The following SCARB1 variants were observed in gnomAD, a reference collection of about 807,000 sequenced individuals.
SCARB1 encodes scavenger receptor class B member 1.
A neutral mutation model predicts 57.2 loss-of-function variants in SCARB1; 30 were observed. That is an observed-to-expected ratio of 0.52 (90% CI 0.39 to 0.71). SCARB1 has a LOEUF of 0.71. Among genes scored for constraint, SCARB1 ranks in the 30% least tolerant of loss-of-function variants. The probability of loss-of-function intolerance (pLI) is 0.00; values close to 1 mark genes in which losing one functional copy is unlikely to be tolerated. For missense variants in SCARB1, 543 were observed against 671.2 expected (o/e 0.81, Z 2.11); for synonymous variants, 249 against 268.3 (o/e 0.93, Z 0.70).
chr12:124,859,479 C>T (rs1252073286), intron 1 of SCARB1, among the ~76,000 whole-genome samples: 3 of 151,950 alleles, frequency 2.0e-5, no homozygotes, highest in Admixed American at 6.6e-5. Flanking sequence ...TGCAGTGAGC[C>T]GAGATCGTGC....
intron 1 of SCARB1, among the ~76,000 whole-genome samples, chr12:124,849,714 C>T (rs1348578826): frequency 2.6e-5 from 4 of 152,214 alleles, no homozygotes; most frequent in Non-Finnish European, 5.9e-5. Flanking sequence ...AACTGAGCTT[C>T]GGAACCCAAG....
chr12:124,795,421 T>TGG (rs3215351), intron 8 of SCARB1, among the ~76,000 whole-genome samples, 153 bp from the exon 9 acceptor site: 6 of 151,638 alleles, frequency 4.0e-5, no homozygotes, highest in Admixed American at 6.6e-5. Flanking sequence ...AGCCACAGGC[T>TGG]GGGGGGGGTC....
At chr12:124,825,224 CAAAAAAA>C (rs60776063) in intron 1 of SCARB1, among the ~76,000 whole-genome samples, 1 of 43,688 alleles carries the variant, frequency 2.3e-5, no homozygotes, top group Non-Finnish European at 4.1e-5. Flanking sequence ...GACTCCATCT[CAAAAAAA>C]AAAAAAAAAA....
intron 1 of SCARB1, among the ~76,000 whole-genome samples, chr12:124,861,308 A>C (rs1165480618): frequency 6.6e-6 from 1 of 152,122 alleles, no homozygotes; most frequent in Admixed American, 6.5e-5. Context: ...ATGCTATGTC[A>C]ATAGTTGTTA....
At chr12:124,852,184 A>G (rs1001614505) in intron 1 of SCARB1, among the ~76,000 whole-genome samples, 2 of 151,710 alleles carry the variant, frequency 1.3e-5, no homozygotes, top group Admixed American at 1.3e-4. Flanking sequence ...ATCTTTATAC[A>G]CCCGCATCCC....
rs538586114 is a variant in SCARB1, at chr12:124,825,708, A to G, written c.127-8001T>C. 1.3e-3 allele frequency among the ~76,000 whole-genome samples: 198 copies of G among 152,268 alleles called. 3 individuals carry two copies. Among genetic ancestry groups the G allele is most frequent in the East Asian group, 9.6e-4 (5 of 5,182 alleles). ...AGAGCCCAGCCAGGTTCTCAGTCAA[A>G]GATAAGCTGGGCTTCTGCACACGGT... On this transcript the variant is annotated intron_variant, in intron 1 of 12. Coordinates refer to ENST00000261693, the MANE Select transcript of SCARB1 (RefSeq NM_005505.5).
chr12:124,841,044 G>A (rs755770686), intron 1 of SCARB1, among the ~76,000 whole-genome samples: 3 of 152,008 alleles, frequency 2.0e-5, no homozygotes, highest in Non-Finnish European at 1.5e-5. Context: ...TGGCACGCAC[G>A]TGTAATCCCA....
chr12:124,849,605 G>A (rs1952305866), intron 1 of SCARB1, among the ~76,000 whole-genome samples: 1 of 152,208 alleles, frequency 6.6e-6, no homozygotes, highest in South Asian at 2.1e-4. Flanking sequence ...GCCTGGGACA[G>A]TCGGCCCCAC....
chr12:124,804,026 G>A (rs1555262257), intron 7 of SCARB1, among the ~76,000 whole-genome samples: 3 of 152,308 alleles, frequency 2.0e-5, no homozygotes, highest in African/African-American at 4.8e-5. Context: ...TGGGCATGTC[G>A]TTTCTCCCCC....
intron 1 of SCARB1, among the ~76,000 whole-genome samples, chr12:124,862,074 C>T (rs966815064): frequency 1.3e-5 from 2 of 152,334 alleles, no homozygotes; most frequent in Middle Eastern, 3.4e-3. Flanking sequence ...AGTGATAGCC[C>T]CTCTAGGGAC....
At chr12:124,838,126 T>C (rs1268784993) in intron 1 of SCARB1, among the ~76,000 whole-genome samples, 1 of 152,220 alleles carries the variant, frequency 6.6e-6, no homozygotes, top group South Asian at 2.1e-4. Flanking sequence ...GAGCTGAGCA[T>C]ATTGACTATC....
chr12:124,777,547 C>T lies in SCARB1; in HGVS notation c.*1040G>A, dbSNP rs1872605098. On this transcript the variant is annotated 3_prime_UTR_variant, in exon 13 of 13. Transcript: ENST00000261693. ...GCAGCCACCAGAAAGGAGCTATTGA[C>T]CAAGAGAAGAGGAGCCCGGAACTTC... 6.6e-6 allele frequency: 1 copy of T among 152,204 alleles called. No homozygotes were observed. The allele number at this position is 152,204 out of a possible 1,614,324, so 9.4% of individuals were successfully genotyped here. A position where few individuals can be genotyped will look rare whatever the true frequency, so the allele number is the denominator to read the frequency against.
intron 8 of SCARB1, among the ~76,000 whole-genome samples, chr12:124,795,854 T>C (rs1949927773): frequency 6.6e-6 from 1 of 152,244 alleles, no homozygotes; most frequent in South Asian, 2.1e-4. Context: ...CAGACAACAA[T>C]ATTTTACATA....
Position 124,859,949 on chromosome 12 carries a change from ATTT to A in SCARB1, c.126+3643_126+3645del, listed in dbSNP as rs63359362. Among the ~76,000 whole-genome samples, 592 of 117,910 alleles carry A rather than the reference ATTT, an allele frequency of 5.0e-3. 3 individuals carry two copies. Among genetic ancestry groups the A allele is most frequent in the Middle Eastern group, 0.021 (5 of 236 alleles). The allele number at this position is 117,910 out of a possible 152,430, so 77.4% of individuals were successfully genotyped here. ...CTGAGACATATTTCTAAGTTCCTTC[ATTT>A]TTTTTTTTTTTTTTTTGAGATGGAG... is the stretch of plus-strand genomic sequence containing the variant. On this transcript the variant is annotated intron_variant, in intron 1 of 12. Transcript: ENST00000261693.
rs1566186362 is a variant in SCARB1 at position 124,814,737 on chromosome 12, A to C, written c.426+236T>G. ...GAGATCTCAGAAATGTAAATTGAAA[A>C]GGGAAAAAAAAGTACTTTGGCCAGG... is the stretch of plus-strand genomic sequence containing the variant. On this transcript the variant is annotated intron_variant, in intron 3 of 12. Coordinates refer to ENST00000261693, the MANE Select transcript of SCARB1 (RefSeq NM_005505.5). The surrounding 1 kb of genome is among the most constrained non-coding windows in gnomAD (Gnocchi z 4.7). Among the ~76,000 whole-genome samples the C allele has an allele frequency of 6.6e-6, 1 of 152,164 alleles. No homozygotes were observed. The highest frequency in any genetic ancestry group is 1.5e-5 in the Non-Finnish European group (1 of 68,012).
intron 1 of SCARB1, among the ~76,000 whole-genome samples, chr12:124,833,560 G>A (rs924908347): frequency 2.0e-5 from 3 of 152,096 alleles, no homozygotes; most frequent in African/African-American, 7.2e-5. Context: ...AGGTCCTGGG[G>A]ATCAGGACGC....
chr12:124,814,602 C>G lies in SCARB1; in HGVS notation c.427-197G>C, dbSNP rs1202537481. Among the ~76,000 whole-genome samples the G allele has an allele frequency of 6.6e-6, 1 of 152,156 alleles. No individual in the cohort carries two copies. The highest frequency in any genetic ancestry group is 2.4e-5 in the African/African-American group (1 of 41,430). ...CCAGTGCCAAGGCCACATGTGCTCC[C>G]GAGAACCCCTTCTCCCCCTTGCACC... On this transcript the variant is annotated intron_variant, in intron 3 of 12. Coordinates refer to ENST00000261693, the MANE Select transcript of SCARB1 (RefSeq NM_005505.5). This position sits in a 1 kb window ranked among gnomAD's most constrained non-coding sequence, Gnocchi z 4.7.
chr12:124,791,412 G>A (rs575183456), intron 9 of SCARB1, among the ~76,000 whole-genome samples: 7 of 152,210 alleles, frequency 4.6e-5, no homozygotes, highest in Admixed American at 1.3e-4. Context: ...CTGTATAAGC[G>A]AGATATTATA....
chr12:124,801,366 A>G (rs984579681), intron 7 of SCARB1, among the ~76,000 whole-genome samples: 1 of 152,212 alleles, frequency 6.6e-6, no homozygotes, highest in African/African-American at 2.4e-5. Context: ...AACGAGATAC[A>G]AGTGATGGCT....
Sources: allele counts gnomAD v4.1 joint callset (sites outside exome capture counted in the v4.1 genomes callset), GRCh38; gene constraint gnomAD v4.1.1; non-coding constraint Gnocchi (gnomAD v3.1); transcripts MANE v1.5; gene names NCBI Gene and HGNC (gene_info 2026-07-23, HGNC 2026-07-21).